RTTN: variants seen among roughly 807,000 people sequenced by gnomAD.
RTTN encodes the protein rotatin.
In RTTN, 182 loss-of-function variants were observed where a neutral mutation model predicts 269.2. The observed-to-expected ratio is 0.68, with a 90% CI of 0.60 to 0.76. RTTN has a LOEUF of 0.76. Among genes scored for constraint, RTTN ranks in the 30% least tolerant of loss-of-function variants. The pLI, the probability that RTTN is intolerant of heterozygous loss-of-function variation, is 0.00. For synonymous variants in RTTN, 1,006 were observed against 963.5 expected (o/e 1.04, Z -0.82); for missense variants, 2,545 against 2,608.6 (o/e 0.98, Z 0.53).
rs2059741404 is a variant in RTTN at position 70,121,647 on chromosome 18, A to AT, written c.3436dup (p.Ile1146AsnfsTer7). 1.9e-6 allele frequency: 3 copies of AT among 1,576,010 alleles called. No individual in the cohort carries two copies. The highest frequency in any genetic ancestry group is 2.6e-6 in the Non-Finnish European group (3 of 1,166,630). On this transcript the variant is annotated frameshift_variant, in exon 26 of 49. Coordinates refer to ENST00000640769, the MANE Select transcript of RTTN (RefSeq NM_173630.4). LOFTEE classifies it high-confidence loss of function. ...TATTAATTTATTTAAAAAATGTATG[A>AT]TATCTATTAGCAGTTTCTCATCTTC... is the stretch of plus-strand genomic sequence containing the variant.
At chr18:70,052,202 C>A (rs1394145501) in intron 38 of RTTN, among the ~76,000 whole-genome samples, 2 of 152,108 alleles carry the variant, frequency 1.3e-5, no homozygotes, top group Non-Finnish European at 2.9e-5. Flanking sequence ...TCAGGGGGAT[C>A]TGTCATCTTT....
chr18:70,135,662 TA>T lies in RTTN; in HGVS notation c.2789-383del, dbSNP rs200141413. On this transcript the variant is annotated intron_variant, in intron 21 of 48. Coordinates refer to ENST00000640769, the MANE Select transcript of RTTN (RefSeq NM_173630.4). The stretch of plus-strand genomic sequence containing the variant: ...TTATGCCGAGTCAGATAATTCTAGC[TA>T]AAGTTTCCTCACCAAGAGATCTTAT... 1.2e-4 allele frequency among the ~76,000 whole-genome samples: 18 copies of T among 152,322 alleles called. No individual in the cohort carries two copies. The East Asian group carries it at 3.3e-3, about 28-fold the overall frequency.
At chr18:70,198,197 C>G (rs1223335620) in intron 5 of RTTN, among the ~76,000 whole-genome samples, 4 of 152,198 alleles carry the variant, frequency 2.6e-5, no homozygotes, top group Admixed American at 2.6e-4. Context: ...TAGGACTCCC[C>G]TCTTATCCCA....
intron 28 of RTTN, among the ~76,000 whole-genome samples, chr18:70,093,448 T>A (rs887195867): frequency 6.6e-6 from 1 of 152,212 alleles, no homozygotes; most frequent in Non-Finnish European, 1.5e-5. Context: ...TTGTCACAAA[T>A]AGGTCTTATT....
intron 19 of RTTN, among the ~76,000 whole-genome samples, chr18:70,141,189 C>T (rs1266477314): frequency 2.6e-5 from 4 of 151,920 alleles, no homozygotes; most frequent in African/African-American, 7.2e-5. Flanking sequence ...TATGTTTTTT[C>T]AAATAACTCT....
intron 26 of RTTN, among the ~76,000 whole-genome samples, chr18:70,119,095 T>C (rs912579468): frequency 2.0e-5 from 3 of 152,008 alleles, no homozygotes; most frequent in African/African-American, 4.8e-5. Context: ...AATTAGTATA[T>C]AGAAAGAAAT....
intron 27 of RTTN, among the ~76,000 whole-genome samples, chr18:70,112,901 GAC>G (rs2059509732): frequency 6.6e-6 from 1 of 152,054 alleles, no homozygotes; most frequent in Non-Finnish European, 1.5e-5. Context: ...TTCTAAAATT[GAC>G]CACATAATTG....
At chr18:70,084,463 C>T (rs1322958054) in intron 32 of RTTN, among the ~76,000 whole-genome samples, 1 of 152,134 alleles carries the variant, frequency 6.6e-6, no homozygotes, top group Non-Finnish European at 1.5e-5. Context: ...ATGTGCCCCA[C>T]TAGCTGCACC....
chr18:70,011,244 C>T (rs1322710463), intron 46 of RTTN, among the ~76,000 whole-genome samples: 4 of 152,072 alleles, frequency 2.6e-5, no homozygotes, highest in South Asian at 4.2e-4. Context: ...TTTATGAGGC[C>T]AGCATCATCC....
chr18:70,142,376 AAC>A lies in RTTN; in HGVS notation c.2491_2492del (p.Val831Ter). On this transcript the variant is annotated frameshift_variant, in exon 19 of 49. Transcript: ENST00000640769. LOFTEE classifies it high-confidence loss of function. Reference protein sequence around the residue: ...RRELVIKLETVEKVYEIFTSD... With the variant: ...RRELVIKLETXEKVYEIFTSD... ...AGGTGAAGATTTCATATACCTTTTC[AAC>A]AGTCTCCAACTACAAACCAAAAAAA... 1 of 1,574,752 alleles carries A rather than the reference AAC, an allele frequency of 6.4e-7. No homozygotes were observed. The highest frequency in any genetic ancestry group is 8.6e-7 in the Non-Finnish European group (1 of 1,156,854).
chr18:70,079,886 A>T (rs1469196997), intron 32 of RTTN, among the ~76,000 whole-genome samples: 1 of 152,126 alleles, frequency 6.6e-6, no homozygotes, highest in Non-Finnish European at 1.5e-5. Flanking sequence ...CTATAATTGA[A>T]AAGGTACTAG....
At chr18:70,175,110 GA>G (rs2061258716) in intron 11 of RTTN, among the ~76,000 whole-genome samples, 1 of 133,828 alleles carries the variant, frequency 7.5e-6, no homozygotes, top group African/African-American at 2.8e-5. Context: ...ACTTAAAGCA[GA>G]AAAGAAAAAA....
At chr18:70,186,213 G>A (rs2061543519) in intron 10 of RTTN, among the ~76,000 whole-genome samples, 1 of 151,998 alleles carries the variant, frequency 6.6e-6, no homozygotes, top group Non-Finnish European at 1.5e-5. Flanking sequence ...AACAAATTGT[G>A]GTATGTCCAC....
chr18:70,062,320 G>T (rs903267999), intron 35 of RTTN, among the ~76,000 whole-genome samples: 9 of 152,070 alleles, frequency 5.9e-5, no homozygotes, highest in African/African-American at 2.2e-4. Flanking sequence ...GCAGAGAAGG[G>T]TCACTATCCC....
chr18:70,135,300 AC>A lies in RTTN; in HGVS notation c.2789-21del. ...AGGAAACTGAATAAAAAGAAGCACA[AC>A]TTTATGAAATATTTGTACGTCTAGA... On this transcript the variant is annotated intron_variant, in intron 21 of 48. Transcript: ENST00000640769. 1 of 1,333,744 alleles carries A rather than the reference AC, an allele frequency of 7.5e-7. No individual in the cohort carries two copies. Among genetic ancestry groups the A allele is most frequent in the Non-Finnish European group, 1.0e-6 (1 of 961,034 alleles). The allele number at this position is 1,333,744 out of a possible 1,614,324, so 82.6% of individuals were successfully genotyped here.
chr18:70,072,565 T>A (rs1411567824), intron 34 of RTTN, among the ~76,000 whole-genome samples: 1 of 152,100 alleles, frequency 6.6e-6, no homozygotes. Context: ...TGTATTTAGG[T>A]TTTCTTGTAT....
chr18:70,056,649 C>G (rs1173537369), intron 37 of RTTN, among the ~76,000 whole-genome samples: 1 of 152,156 alleles, frequency 6.6e-6, no homozygotes, highest in African/African-American at 2.4e-5. Flanking sequence ...CCAGCGACTC[C>G]ACCCTCCTTG....
Position 70,193,293 on chromosome 18 carries a change from G to A in RTTN, c.1002C>T (p.Ser334=). The change falls in exon 8 of 49, where the codon TCC becomes TCT. Residue 334 remains serine (S), a synonymous_variant. Transcript: ENST00000640769. ...GAGACACTGCTAGCAGTCACCTAGA[G>A]GACGCTGCATCCCAGTCCTGGCCAT... ...RGDGQDWDAA[S]SSGSSSHAHV... 1 of 1,610,468 alleles carries A rather than the reference G, an allele frequency of 6.2e-7. No homozygotes were observed. Among genetic ancestry groups the A allele is most frequent in the Non-Finnish European group, 8.5e-7 (1 of 1,178,162 alleles).
intron 25 of RTTN, among the ~76,000 whole-genome samples, chr18:70,123,985 T>A (rs771701959): frequency 5.9e-5 from 9 of 151,706 alleles, no homozygotes; most frequent in Non-Finnish European, 1.2e-4. Flanking sequence ...CATGTCCAGA[T>A]CTCAGGGAGA....
Sources: allele counts gnomAD v4.1 joint callset (sites outside exome capture counted in the v4.1 genomes callset), GRCh38; gene constraint gnomAD v4.1.1; transcripts MANE v1.5; gene names NCBI Gene and HGNC (gene_info 2026-07-23, HGNC 2026-07-21).